The following FCHSD2 variants were observed in gnomAD, a reference collection of about 807,000 sequenced individuals.
FCHSD2 encodes FCH and double SH3 domains 2.
A neutral mutation model predicts 108.1 loss-of-function variants in FCHSD2; 38 were observed. That is an observed-to-expected ratio of 0.35 (90% CI 0.27 to 0.46). FCHSD2 has a LOEUF of 0.46. Ranked by LOEUF, FCHSD2 falls within the 20% of genes least tolerant of loss-of-function variation. The pLI is 1.00. For missense variants in FCHSD2, 751 were observed against 897.8 expected (o/e 0.84, Z 2.09); for synonymous variants, 279 against 314.7 (o/e 0.89, Z 1.20).
intron 13 of FCHSD2, among the ~76,000 whole-genome samples, chr11:72,858,872 T>G (rs1861497122): frequency 1.3e-5 from 2 of 152,156 alleles, no homozygotes; most frequent in African/African-American, 4.8e-5. Flanking sequence ...CAGAAACAAC[T>G]GAAAAACTGT....
chr11:73,061,663 T>C (rs1591523228), intron 3 of FCHSD2, among the ~76,000 whole-genome samples: 1 of 152,026 alleles, frequency 6.6e-6, no homozygotes, highest in Non-Finnish European at 1.5e-5. Flanking sequence ...TTGAGTAGGG[T>C]GGTTTTATGC....
intron 3 of FCHSD2, among the ~76,000 whole-genome samples, chr11:73,072,964 A>G (rs1859469377): frequency 6.6e-6 from 1 of 152,162 alleles, no homozygotes; most frequent in Admixed American, 6.5e-5. Context: ...GTCTGTGTTT[A>G]CTCTGTGTTT....
intron 8 of FCHSD2, among the ~76,000 whole-genome samples, chr11:72,923,626 C>G (rs1357505605): frequency 6.6e-6 from 1 of 152,144 alleles, no homozygotes; most frequent in East Asian, 1.9e-4. Context: ...AAAGCCTACT[C>G]AAGTCCTTAA....
chr11:72,965,677 T>A (rs1328904001), intron 8 of FCHSD2, among the ~76,000 whole-genome samples: 1 of 151,668 alleles, frequency 6.6e-6, no homozygotes, highest in East Asian at 1.9e-4. Context: ...TTAGAGCATT[T>A]CCAACACCTC....
chr11:73,010,231 A>C lies in FCHSD2; in HGVS notation c.242+5578T>G, dbSNP rs77963674. The stretch of plus-strand genomic sequence containing the variant: ...TGTATTTCATTCAATGAATTCTTCC[A>C]TTACAGAATTTCTGTTTGGTTCTTT... On this transcript the variant is annotated intron_variant, in intron 4 of 19. Coordinates refer to ENST00000409418, the MANE Select transcript of FCHSD2 (RefSeq NM_014824.3). 5.1e-3 allele frequency among the ~76,000 whole-genome samples: 782 copies of C among 152,222 alleles called. 6 individuals are homozygous for C. Among genetic ancestry groups the C allele is most frequent in the African/African-American group, 0.018 (761 of 41,536 alleles).
intron 1 of FCHSD2, chr11:73,141,199 T>A (rs1199763810): frequency 6.6e-6 from 1 of 152,280 alleles, no homozygotes; most frequent in East Asian, 1.9e-4. Context: ...CAACCCCGGA[T>A]CGCAGTGCAC....
chr11:73,080,151 G>C (rs376900869), intron 3 of FCHSD2, among the ~76,000 whole-genome samples: 16 of 151,784 alleles, frequency 1.1e-4, no homozygotes, highest in African/African-American at 3.6e-4. Context: ...AAAAATACTA[G>C]ACGGGTATGG....
chr11:73,045,821 TG>T (rs1299403275), intron 3 of FCHSD2, among the ~76,000 whole-genome samples: 1 of 151,808 alleles, frequency 6.6e-6, no homozygotes, highest in African/African-American at 2.4e-5. Context: ...TAATGCTAGA[TG>T]ATGAGTTAGT....
intron 13 of FCHSD2, among the ~76,000 whole-genome samples, chr11:72,855,411 G>C (rs1174003035): frequency 6.6e-6 from 1 of 152,172 alleles, no homozygotes; most frequent in Non-Finnish European, 1.5e-5. Context: ...GGGAGGCGGA[G>C]GTTGCAGTGA....
intron 8 of FCHSD2, among the ~76,000 whole-genome samples, chr11:72,975,385 T>G (rs775315479): frequency 6.6e-6 from 1 of 152,030 alleles, no homozygotes; most frequent in Non-Finnish European, 1.5e-5. Flanking sequence ...CAATGAGAGG[T>G]TGGTTAATGG....
chr11:73,054,047 G>A (rs1858964192), intron 3 of FCHSD2, among the ~76,000 whole-genome samples: 1 of 152,098 alleles, frequency 6.6e-6, no homozygotes, highest in African/African-American at 2.4e-5. Context: ...GCACAGGTTG[G>A]CAAATTCTAG....
chr11:72,959,737 T>C lies in FCHSD2; in HGVS notation c.705+24351A>G, dbSNP rs139724091. 4.9e-3 allele frequency among the ~76,000 whole-genome samples: 748 copies of C among 152,280 alleles called. 5 individuals carry two copies. The highest frequency in any genetic ancestry group is 0.017 in the African/African-American group (726 of 41,562). On this transcript the variant is annotated intron_variant, in intron 8 of 19. Coordinates refer to ENST00000409418, the MANE Select transcript of FCHSD2 (RefSeq NM_014824.3). ...TTTACTGAAAGGAGCAATAGAAGTA[T>C]TTAATATTAAATGTCAGGCACTGGT...
At chr11:72,961,379 A>C (rs1856815914) in intron 8 of FCHSD2, among the ~76,000 whole-genome samples, 1 of 151,608 alleles carries the variant, frequency 6.6e-6, no homozygotes, top group Admixed American at 6.6e-5. Context: ...GTGTACCATC[A>C]TGCCTGGTTT....
chr11:72,849,203 T>C (rs529244356), intron 14 of FCHSD2, among the ~76,000 whole-genome samples: 96 of 152,206 alleles, frequency 6.3e-4, no homozygotes, highest in Middle Eastern at 3.4e-3. Context: ...AGAAGATTCA[T>C]GTATTCACGC....
chr11:73,048,803 T>C (rs1333898928), intron 3 of FCHSD2, among the ~76,000 whole-genome samples: 1 of 152,132 alleles, frequency 6.6e-6, no homozygotes, highest in Non-Finnish European at 1.5e-5. Flanking sequence ...AGAGAAAGGG[T>C]GGGGAATGAA....
chr11:72,887,438 G>A, intron 12 of FCHSD2, 32 bp downstream of exon 12: 2 of 1,413,800 alleles, frequency 1.4e-6, no homozygotes, highest in Non-Finnish European at 2.0e-6. Context: ...CATTAGACCT[G>A]GGCAAAATGC....
intron 8 of FCHSD2, among the ~76,000 whole-genome samples, chr11:72,943,684 G>C (rs946827301): frequency 6.6e-6 from 1 of 152,072 alleles, no homozygotes; most frequent in African/African-American, 2.4e-5. Context: ...AATTATATTG[G>C]CTGTTTTGTT....
chr11:72,852,538 C>A (rs1345016921), intron 13 of FCHSD2, among the ~76,000 whole-genome samples: 1 of 151,990 alleles, frequency 6.6e-6, no homozygotes, highest in African/African-American at 2.4e-5. Context: ...TGGTGGTATG[C>A]CTATAATCCC....
chr11:72,841,560 G>T lies in FCHSD2; in HGVS notation c.1950C>A (p.His650Gln). ...EIQISPSPKP[H>Q]ASLPPLPLYD... Reference sequence around the variant, plus strand: ...ACAACGGCAGTGGAGGCAGGGAGGCGTGTGGCTTGGGGGAAGGAGAGATCT... The same window carrying T: ...ACAACGGCAGTGGAGGCAGGGAGGCTTGTGGCTTGGGGGAAGGAGAGATCT... Residue 650 changes from histidine (H) to glutamine (Q), a missense_variant, in exon 18 of 20, where the codon CAC becomes CAA. His to Gln is a conservative substitution (Grantham distance 24, BLOSUM62 0). Coordinates refer to ENST00000409418, the MANE Select transcript of FCHSD2 (RefSeq NM_014824.3). 6.2e-7 allele frequency: 1 copy of T among 1,609,374 alleles called. No homozygotes were observed. Among genetic ancestry groups the T allele is most frequent in the Non-Finnish European group, 8.5e-7 (1 of 1,178,110 alleles).
Sources: gnomAD v4.1 joint callset for allele counts (sites outside exome capture counted in the v4.1 genomes callset) on GRCh38, gnomAD v4.1.1 for gene constraint, MANE v1.5 for transcripts, NCBI Gene and HGNC (gene_info 2026-07-23, HGNC 2026-07-21) for gene names.